NVL: variants seen among roughly 807,000 people sequenced by gnomAD.
NVL encodes nuclear VCP like, also known as nuclear valosin-containing protein-like.
A neutral mutation model predicts 110.2 loss-of-function variants in NVL; 84 were observed. The observed-to-expected ratio is 0.76, with a 90% confidence interval of 0.64 to 0.91. The LOEUF (loss-of-function observed/expected upper bound fraction) is 0.91, where lower values mean the gene tolerates loss of function less well. NVL is among the 40% of genes least tolerant of loss of function. The pLI, the probability that NVL is intolerant of heterozygous loss-of-function variation, is 0.00. For synonymous variants in NVL, 354 were observed against 361.1 expected (o/e 0.98, Z 0.22); for missense variants, 882 against 1,035.9 (o/e 0.85, Z 2.04).
chr1:224,236,917 A>G (rs1487382081), intron 19 of NVL, among the ~76,000 whole-genome samples: 1 of 152,184 alleles, frequency 6.6e-6, no homozygotes, highest in African/African-American at 2.4e-5. Flanking sequence ...TCTCAAAGAT[A>G]AAGACCATAT....
chr1:224,238,730 C>G (rs1660815046), intron 19 of NVL, among the ~76,000 whole-genome samples: 1 of 152,092 alleles, frequency 6.6e-6, no homozygotes, highest in Non-Finnish European at 1.5e-5. Flanking sequence ...TCAACCGAGT[C>G]AGGATAGTGG....
At chr1:224,288,097 A>C in intron 13 of NVL, 104 bp from the exon 14 acceptor site, 1 of 795,602 alleles carries the variant, frequency 1.3e-6, no homozygotes, top group South Asian at 1.7e-5. Flanking sequence ...TATTTCCGTA[A>C]GCTATCCTGA....
chr1:224,310,100 G>A (rs1289289973), intron 5 of NVL, among the ~76,000 whole-genome samples: 2 of 148,686 alleles, frequency 1.3e-5, no homozygotes, highest in Non-Finnish European at 3.0e-5. Context: ...GCAGTGAGCC[G>A]AGATCGCACC....
chr1:224,304,972 A>G (rs1668774233), intron 7 of NVL, 62 bp downstream of exon 7: 1 of 1,594,736 alleles, frequency 6.3e-7, no homozygotes, highest in Non-Finnish European at 8.5e-7. Context: ...ATAGCTTGGG[A>G]CAGAATGATG....
At chr1:224,275,723 G>GT (rs1025976892) in intron 16 of NVL, among the ~76,000 whole-genome samples, 4 of 152,056 alleles carry the variant, frequency 2.6e-5, no homozygotes, top group Non-Finnish European at 4.4e-5. Flanking sequence ...TAAGTGAAAC[G>GT]TAAGTTCTTC....
At chr1:224,239,334 T>C (rs941808406) in intron 19 of NVL, among the ~76,000 whole-genome samples, 1 of 152,194 alleles carries the variant, frequency 6.6e-6, no homozygotes, top group African/African-American at 2.4e-5. Context: ...ATAAGTATCT[T>C]ATTTCCAGAT....
intron 17 of NVL, among the ~76,000 whole-genome samples, chr1:224,273,051 A>C (rs1558287183): frequency 7.3e-6 from 1 of 136,664 alleles, no homozygotes. Flanking sequence ...AACAAAAAAA[A>C]CAAACAAACA....
intron 18 of NVL, among the ~76,000 whole-genome samples, chr1:224,252,447 A>G (rs890623670): frequency 1.3e-5 from 2 of 152,166 alleles, no homozygotes; most frequent in Non-Finnish European, 1.5e-5. Context: ...GTTCAGACAC[A>G]GGCTATAATT....
At chr1:224,322,126 G>A (rs116028664) in intron 2 of NVL, among the ~76,000 whole-genome samples, 4,387 of 152,142 alleles carry the variant, frequency 0.029, 204 homozygotes, top group African/African-American at 0.096. Context: ...TGTCACCCAC[G>A]CTTCAGTGCA....
intron 5 of NVL, among the ~76,000 whole-genome samples, chr1:224,310,192 A>G (rs1231138791): frequency 6.6e-6 from 1 of 151,956 alleles, no homozygotes; most frequent in Admixed American, 6.6e-5. Context: ...AAAAAAAAAA[A>G]AAAAAGAAAG....
At chr1:224,322,847 G>C (rs368139035) in intron 2 of NVL, among the ~76,000 whole-genome samples, 1 of 152,044 alleles carries the variant, frequency 6.6e-6, no homozygotes, top group Non-Finnish European at 1.5e-5. Flanking sequence ...CCAGCCCCTC[G>C]GGAGGCTGAG....
At chr1:224,258,469 C>T in intron 18 of NVL, among the ~76,000 whole-genome samples, 1 of 152,136 alleles carries the variant, frequency 6.6e-6, no homozygotes, top group East Asian at 1.9e-4. Context: ...GATGCAGCCA[C>T]TTTGGAAAAG....
intron 19 of NVL, among the ~76,000 whole-genome samples, chr1:224,243,463 C>T (rs1257991378): frequency 1.3e-5 from 2 of 151,612 alleles, no homozygotes; most frequent in African/African-American, 4.8e-5. Flanking sequence ...CTTGTCTCAA[C>T]AACAACAACA....
At chr1:224,274,630 C>T (rs1274544778) in intron 17 of NVL, among the ~76,000 whole-genome samples, 3 of 152,012 alleles carry the variant, frequency 2.0e-5, no homozygotes, top group Non-Finnish European at 4.4e-5. Context: ...GAGCAAAACT[C>T]CGTCTCGAAA....
chr1:224,297,412 A>C (rs1465594959), intron 10 of NVL, among the ~76,000 whole-genome samples: 7 of 152,232 alleles, frequency 4.6e-5, no homozygotes, highest in African/African-American at 7.2e-5. Context: ...AGGATCAGCT[A>C]CCGAGAGTAG....
intron 4 of NVL, chr1:224,312,063 C>T (rs753376092): frequency 1.0e-4 from 47 of 462,564 alleles, no homozygotes; most frequent in African/African-American, 5.8e-4. Context: ...ATCTATAAAA[C>T]GGAGATTTAA....
At chr1:224,308,905 C>CA (rs1422744442) in intron 5 of NVL, among the ~76,000 whole-genome samples, 4 of 150,900 alleles carry the variant, frequency 2.7e-5, no homozygotes, top group Admixed American at 1.3e-4. Flanking sequence ...ACTAAAAATA[C>CA]AAAAAATTAG....
At chr1:224,253,411 A>G (rs1186957119) in intron 18 of NVL, among the ~76,000 whole-genome samples, 1 of 151,980 alleles carries the variant, frequency 6.6e-6, no homozygotes, top group Admixed American at 6.6e-5. Flanking sequence ...TAGTATGGCC[A>G]TATCAAACTG....
At chr1:224,307,550 G>A (rs1033838674) in intron 6 of NVL, among the ~76,000 whole-genome samples, 3 of 151,982 alleles carry the variant, frequency 2.0e-5, no homozygotes, top group African/African-American at 2.4e-5. Flanking sequence ...AAAGATATAA[G>A]TTAGCTAGGT....
Sources: allele counts gnomAD v4.1 joint callset (sites outside exome capture counted in the v4.1 genomes callset), GRCh38; gene constraint gnomAD v4.1.1; transcripts MANE v1.5; gene names NCBI Gene and HGNC (gene_info 2026-07-23, HGNC 2026-07-21).